Variants in ARB2A observed in about 807,000 individuals in gnomAD.
The protein encoded by ARB2A is ARB2 cotranscriptional regulator A.
At chr5:93,762,713 A>G in the ARB2A span, among the ~76,000 whole-genome samples, 1 of 152,154 alleles carries the variant, frequency 6.6e-6, no homozygotes, top group South Asian at 2.1e-4. Flanking sequence ...CCACAAAGAT[A>G]CTCCTGGAGA....
the ARB2A span, among the ~76,000 whole-genome samples, chr5:93,814,043 T>C: frequency 3.9e-5 from 6 of 152,186 alleles, no homozygotes; most frequent in Non-Finnish European, 8.8e-5. Flanking sequence ...AGACTGTACC[T>C]TCTGTGCACT....
At chr5:93,756,675 A>G in the ARB2A span, among the ~76,000 whole-genome samples, 1 of 152,164 alleles carries the variant, frequency 6.6e-6, no homozygotes. Context: ...AAAGGGGGAG[A>G]GTACTACACC....
the ARB2A span, among the ~76,000 whole-genome samples, chr5:94,014,695 AAAT>A: frequency 6.6e-6 from 1 of 152,012 alleles, no homozygotes; most frequent in Non-Finnish European, 1.5e-5. Context: ...AATGAGACTG[AAAT>A]AATAATAATA....
At chr5:93,976,403 A>G in the ARB2A span, among the ~76,000 whole-genome samples, 1 of 152,216 alleles carries the variant, frequency 6.6e-6, no homozygotes, top group Non-Finnish European at 1.5e-5. Context: ...TCCTAGCCAG[A>G]GCAATCAGGC....
the ARB2A span, among the ~76,000 whole-genome samples, chr5:93,938,320 A>G: frequency 1.3e-5 from 2 of 152,344 alleles, no homozygotes; most frequent in South Asian, 2.1e-4. Flanking sequence ...AAGTTATGCC[A>G]GTTTTTCATT....
the ARB2A span, among the ~76,000 whole-genome samples, chr5:93,936,471 C>A: frequency 6.6e-6 from 1 of 152,054 alleles, no homozygotes; most frequent in African/African-American, 2.4e-5. Flanking sequence ...AAGAAAAAGT[C>A]TGTTATACCA....
chr5:94,045,761 T>A, the ARB2A span, among the ~76,000 whole-genome samples: 1 of 152,198 alleles, frequency 6.6e-6, no homozygotes, highest in South Asian at 2.1e-4. Context: ...AAAAATGCAA[T>A]GCAGAGTGAT....
At chr5:93,811,547 G>T in the ARB2A span, among the ~76,000 whole-genome samples, 1 of 151,980 alleles carries the variant, frequency 6.6e-6, no homozygotes, top group African/African-American at 2.4e-5. Flanking sequence ...TTGTCTGAGG[G>T]TTAAAAGTCA....
chr5:93,983,650 C>A, the ARB2A span, among the ~76,000 whole-genome samples: 1 of 152,124 alleles, frequency 6.6e-6, no homozygotes. Context: ...TTTCAAGTAT[C>A]TTCCCCCAAA....
At chr5:93,859,850 T>C in the ARB2A span, among the ~76,000 whole-genome samples, 2 of 152,336 alleles carry the variant, frequency 1.3e-5, no homozygotes, top group Admixed American at 6.5e-5. Context: ...GGAATAGCCA[T>C]GTATGGGTGA....
At chr5:93,741,167 A>G in the ARB2A span, 1 of 1,613,386 alleles carries the variant, frequency 6.2e-7, no homozygotes, top group East Asian at 2.2e-5. Context: ...TTCTGCCTCA[A>G]CTCCTTGGCC....
the ARB2A span, among the ~76,000 whole-genome samples, chr5:93,882,134 C>T: frequency 1.3e-5 from 2 of 150,966 alleles, no homozygotes; most frequent in African/African-American, 4.8e-5. Context: ...TTACAATGGC[C>T]CTTTCAAGAG....
the ARB2A span, among the ~76,000 whole-genome samples, chr5:94,066,421 A>G: frequency 1.6e-4 from 20 of 122,938 alleles, no homozygotes; most frequent in Middle Eastern, 0.012. Flanking sequence ...TGCCAGACTA[A>G]GCACACACAC....
At chr5:93,713,131 G>A in the ARB2A span, among the ~76,000 whole-genome samples, 290 of 152,214 alleles carry the variant, frequency 1.9e-3, no homozygotes, top group African/African-American at 6.7e-3. Context: ...GAAAGTCTCC[G>A]GGACATTTGA....
At chr5:94,014,845 T>A in the ARB2A span, among the ~76,000 whole-genome samples, 2 of 146,536 alleles carry the variant, frequency 1.4e-5, no homozygotes. Flanking sequence ...AAATACACAG[T>A]CACAGGAGGG....
the ARB2A span, among the ~76,000 whole-genome samples, chr5:93,845,556 T>C: frequency 1.3e-5 from 2 of 152,202 alleles, no homozygotes; most frequent in Non-Finnish European, 2.9e-5. Context: ...TTTATATTTG[T>C]TGGACTCCAT....
At chr5:93,632,105 C>G in the ARB2A span, among the ~76,000 whole-genome samples, 2 of 152,112 alleles carry the variant, frequency 1.3e-5, no homozygotes, top group Non-Finnish European at 2.9e-5. Flanking sequence ...TATAAGGGCT[C>G]TGCACACTTG....
chr5:94,013,490 T>G, the ARB2A span, among the ~76,000 whole-genome samples: 1 of 152,258 alleles, frequency 6.6e-6, no homozygotes, highest in African/African-American at 2.4e-5. Context: ...AGTTGTTTCT[T>G]TATCTGCCAT....
the ARB2A span, among the ~76,000 whole-genome samples, chr5:93,679,166 T>C: frequency 3.3e-5 from 5 of 152,326 alleles, no homozygotes; most frequent in East Asian, 7.7e-4. Context: ...CTATATCTTA[T>C]TGATAATTTA....
Sources: allele counts gnomAD v4.1 joint callset (sites outside exome capture counted in the v4.1 genomes callset), GRCh38; gene constraint gnomAD v4.1.1; transcripts MANE v1.5; gene names NCBI Gene and HGNC (gene_info 2026-07-23, HGNC 2026-07-21).